SYCP2L: variants seen among roughly 807,000 people sequenced by gnomAD.
The protein encoded by SYCP2L is synaptonemal complex protein 2-like.
A neutral mutation model predicts 125.8 loss-of-function variants in SYCP2L; 98 were observed. That is an observed-to-expected ratio of 0.78 (90% CI 0.66 to 0.92). The LOEUF (loss-of-function observed/expected upper bound fraction) is 0.92. Ranked by LOEUF, SYCP2L falls within the 40% of genes least tolerant of loss-of-function variation. SYCP2L has a pLI of 0.00. For synonymous variants in SYCP2L, 317 were observed against 325.4 expected, an observed-to-expected ratio of 0.97 and a Z score of 0.28; for missense variants, 842 against 936.4, an observed-to-expected ratio of 0.90 and a Z score of 1.32.
intron 24 of SYCP2L, 78 bp downstream of exon 24, chr6:10,955,295 A>G: frequency 2.3e-6 from 2 of 875,992 alleles, no homozygotes; most frequent in East Asian, 2.5e-5. Flanking sequence ...AACATGAATC[A>G]CAAGGGAGGT....
At position 10,942,481 on chromosome 6, in the gene SYCP2L, G is replaced by C. The variant is rs377173814; in HGVS notation, c.1836G>C (p.Leu612=). 1.8e-4 allele frequency: 280 copies of C among 1,595,938 alleles called. No homozygotes were observed. The highest frequency in any genetic ancestry group is 2.2e-4 in the Non-Finnish European group (259 of 1,174,596). The change falls in exon 22 of 30, where the codon CTG becomes CTC. Residue 612 remains leucine, a synonymous_variant. Coordinates refer to ENST00000283141, the MANE Select transcript of SYCP2L (RefSeq NM_001040274.3). ...QKTELQDPHS[L]SELSSLKHSE... is the part of the protein sequence containing the mutation. ...CAGAGCTTCAAGATCCTCACTCACT[G>C]AGTGAGCTCTCTTCCTTGAAGCACT...
rs1174207556 is a variant in SYCP2L at position 10,911,670 on chromosome 6, A to G, written c.918+801A>G. Among the ~76,000 whole-genome samples, 5 of 151,894 alleles carry G rather than the reference A, an allele frequency of 3.3e-5. No individual in the cohort carries two copies. The East Asian group carries it at 5.8e-4, about 18-fold the overall frequency. On this transcript the variant is annotated intron_variant, in intron 12 of 29. Transcript: ENST00000283141. ...TCTCTGTTTGGTTTTTCTTCTTTCTATGACATCCAAATTTCCATTCACTTC... is the reference window on the plus strand; with the variant it reads ...TCTCTGTTTGGTTTTTCTTCTTTCTGTGACATCCAAATTTCCATTCACTTC...
rs146595264 is a variant in SYCP2L at position 10,948,840 on chromosome 6, G to A, written c.1954+6094G>A. On this transcript the variant is annotated intron_variant, in intron 23 of 29. Transcript: ENST00000283141. ...GAATTTGGGGAATTTGGGGGAAAACGTTATTATTTCAATTTCCTTAATAGC... is the reference window on the plus strand; with the variant it reads ...GAATTTGGGGAATTTGGGGGAAAACATTATTATTTCAATTTCCTTAATAGC... Among the ~76,000 whole-genome samples, 629 of 152,164 alleles carry A rather than the reference G, an allele frequency of 4.1e-3. 2 individuals carry two copies. The highest frequency in any genetic ancestry group is 0.014 in the African/African-American group (587 of 41,534).
intron 29 of SYCP2L, among the ~76,000 whole-genome samples, chr6:10,969,615 C>T (rs1028451871): frequency 4.6e-5 from 7 of 152,054 alleles, no homozygotes; most frequent in Middle Eastern, 3.4e-3. Context: ...CTGCCCGCCT[C>T]GGCCTCCCAA....
rs759661981 is a variant in SYCP2L at position 10,902,729 on chromosome 6, A to G, written c.519A>G (p.Thr173=). ...TACTTAGCTTAGGATTCCTGGTGAC[A>G]GAAAAGACTGTAAATCATTTGCTTC... ...SFLLSLGFLV[T]EKTVNHLLQQ... The change falls in exon 7 of 30, where the codon ACA becomes ACG. Residue 173 remains threonine, a synonymous_variant. Coordinates refer to ENST00000283141, the MANE Select transcript of SYCP2L (RefSeq NM_001040274.3). The G allele has an allele frequency of 9.3e-6, 15 of 1,614,100 alleles. No homozygotes were observed. Among genetic ancestry groups the G allele is most frequent in the East Asian group, 2.2e-5 (1 of 44,892 alleles).
Position 10,887,287 on chromosome 6 carries a change from T to C in SYCP2L, c.9+152T>C. Reference sequence around the variant, plus strand: ...TCCCCCGCCACCTCCTTGGGTTTGCTCGGAGTGTATTGGCAGCCTGCGGGG... The same window carrying C: ...TCCCCCGCCACCTCCTTGGGTTTGCCCGGAGTGTATTGGCAGCCTGCGGGG... On this transcript the variant is annotated intron_variant, in intron 1 of 29. Coordinates refer to ENST00000283141, the MANE Select transcript of SYCP2L (RefSeq NM_001040274.3). 6.6e-6 allele frequency: 7 copies of C among 1,057,260 alleles called. No individual in the cohort carries two copies. In the South Asian group the frequency reaches 7.3e-5, roughly 11 times the overall value. The allele number at this position is 1,057,260 out of a possible 1,614,324, so 65.5% of individuals were successfully genotyped here.
intron 28 of SYCP2L, 146 bp downstream of exon 28, chr6:10,961,704 TC>T: frequency 1.3e-6 from 1 of 741,042 alleles, no homozygotes; most frequent in Non-Finnish European, 2.2e-6. Context: ...CTGTGGCACC[TC>T]CCTGAGGACA....
intron 10 of SYCP2L, among the ~76,000 whole-genome samples, chr6:10,909,514 G>A (rs995703946): frequency 6.6e-6 from 1 of 152,288 alleles, no homozygotes; most frequent in African/African-American, 2.4e-5. Context: ...AGTGTTGACT[G>A]CAACAGTCAA....
chr6:10,935,152 C>T lies in SYCP2L; in HGVS notation c.1778C>T (p.Ala593Val), dbSNP rs1017911366. 8.1e-6 allele frequency: 13 copies of T among 1,612,930 alleles called. No individual in the cohort carries two copies. Among genetic ancestry groups the T allele is most frequent in the Non-Finnish European group, 1.1e-5 (13 of 1,179,620 alleles). ...TSEQKFQDSF[A>V]FLTAEDSAQK... is the part of the protein sequence containing the mutation. ...GAACAAAAATTCCAAGATAGTTTTG[C>T]TTTTTTGACTGCTGAAGATTCTGCC... is the stretch of plus-strand genomic sequence containing the variant. Residue 593 changes from alanine to valine, a missense_variant, in exon 21 of 30, where the codon GCT becomes GTT. Physicochemically the swap from Ala to Val is moderately conservative, Grantham distance 64. Coordinates refer to ENST00000283141, the MANE Select transcript of SYCP2L (RefSeq NM_001040274.3).
chr6:10,919,162 G>C (rs544331963), intron 14 of SYCP2L, among the ~76,000 whole-genome samples: 2 of 152,238 alleles, frequency 1.3e-5, no homozygotes, highest in Non-Finnish European at 2.9e-5. Context: ...TTTTGTCATA[G>C]TACTAGAGTT....
At chr6:10,916,095 A>C (rs1252834148) in intron 14 of SYCP2L, among the ~76,000 whole-genome samples, 1 of 152,084 alleles carries the variant, frequency 6.6e-6, no homozygotes, top group Non-Finnish European at 1.5e-5. Flanking sequence ...TAGGTTTTCT[A>C]GTTTATGTGT....
intron 14 of SYCP2L, among the ~76,000 whole-genome samples, chr6:10,915,251 CATT>C (rs1472586931): frequency 1.2e-4 from 18 of 152,146 alleles, no homozygotes; most frequent in Admixed American, 1.1e-3. Flanking sequence ...GGTATACAAT[CATT>C]ATCATCAGCA....
chr6:10,893,304 G>A (rs1780206550), intron 2 of SYCP2L, among the ~76,000 whole-genome samples: 1 of 152,200 alleles, frequency 6.6e-6, no homozygotes, highest in Non-Finnish European at 1.5e-5. Flanking sequence ...GGCCCTTCAA[G>A]TATATGTACT....
At chr6:10,962,519 C>T (rs1448799113) in intron 28 of SYCP2L, among the ~76,000 whole-genome samples, 1 of 152,086 alleles carries the variant, frequency 6.6e-6, no homozygotes, top group African/African-American at 2.4e-5. Context: ...GGAATCAAGA[C>T]CTCTTTACAT....
intron 1 of SYCP2L, among the ~76,000 whole-genome samples, chr6:10,887,921 T>C (rs1030190775): frequency 6.6e-6 from 1 of 152,214 alleles, no homozygotes; most frequent in Non-Finnish European, 1.5e-5. Flanking sequence ...CACTTAAGCA[T>C]AACCTCCTCA....
chr6:10,888,680 C>T (rs1780123890), intron 1 of SYCP2L, among the ~76,000 whole-genome samples: 2 of 152,122 alleles, frequency 1.3e-5, no homozygotes, highest in South Asian at 4.2e-4. Context: ...ACGAATTGAA[C>T]TGAAGGAGAG....
Position 10,902,925 on chromosome 6 carries a change from A to G in SYCP2L, c.603A>G (p.Arg201=), listed in dbSNP as rs747830755. ...TGCACGCTGTCCCTCGAGAAGAGAGAAAAAAATTCCCTTTGTCAGAAGGCA... is the reference window on the plus strand; with the variant it reads ...TGCACGCTGTCCCTCGAGAAGAGAGGAAAAAATTCCCTTTGTCAGAAGGCA... The part of the protein sequence containing the change: ...CILHAVPREE[R]KKFPLSEGMC... The change falls in exon 8 of 30, where the codon AGA becomes AGG. Residue 201 remains arginine (R), a synonymous_variant. Coordinates refer to ENST00000283141, the MANE Select transcript of SYCP2L (RefSeq NM_001040274.3). 1 of 1,614,064 alleles carries G rather than the reference A, an allele frequency of 6.2e-7. No individual in the cohort carries two copies. Among genetic ancestry groups the G allele is most frequent in the African/African-American group, 1.3e-5 (1 of 74,946 alleles).
At chr6:10,958,420 C>T (rs902845457) in intron 25 of SYCP2L, among the ~76,000 whole-genome samples, 3 of 152,040 alleles carry the variant, frequency 2.0e-5, no homozygotes, top group African/African-American at 4.8e-5. Context: ...TGTCATGACT[C>T]GCTGTTGTGA....
At chr6:10,961,210 GTC>G in intron 26 of SYCP2L, 93 bp from the exon 27 acceptor site, 1 of 962,774 alleles carries the variant, frequency 1.0e-6, no homozygotes, top group Non-Finnish European at 1.6e-6. Context: ...CTGGAGAAGA[GTC>G]TGAAGTATCC....
Sources: gnomAD v4.1 joint callset for allele counts (sites outside exome capture counted in the v4.1 genomes callset) on GRCh38, gnomAD v4.1.1 for gene constraint, MANE v1.5 for transcripts, NCBI Gene and HGNC (gene_info 2026-07-23, HGNC 2026-07-21) for gene names.